Variants in ADK observed in about 807,000 individuals in gnomAD.
ADK encodes adenosine kinase, also known as N6,N6-dimethyladenosine kinase.
In ADK, 24 loss-of-function variants were observed where a neutral mutation model predicts 44.7. That is an observed-to-expected ratio of 0.54 (90% CI 0.39 to 0.76). The LOEUF (loss-of-function observed/expected upper bound fraction) is 0.76. ADK is among the 30% of genes least tolerant of loss of function. The probability of loss-of-function intolerance (pLI) is 0.00; values close to 1 mark genes in which losing one functional copy is unlikely to be tolerated. For missense variants in ADK, 321 were observed against 425.1 expected, an observed-to-expected ratio of 0.76 and a Z score of 2.15; for synonymous variants, 128 against 142.6, an observed-to-expected ratio of 0.90 and a Z score of 0.73.
At chr10:74,363,744 C>G (rs192839419) in intron 4 of ADK, among the ~76,000 whole-genome samples, 7 of 152,292 alleles carry the variant, frequency 4.6e-5, no homozygotes, top group African/African-American at 1.7e-4. Context: ...ACAGATACCC[C>G]TCTTCCAGCA....
chr10:74,334,094 T>C (rs1264381164), intron 4 of ADK, among the ~76,000 whole-genome samples: 1 of 152,228 alleles, frequency 6.6e-6, no homozygotes, highest in Non-Finnish European at 1.5e-5. Flanking sequence ...TAGCAACCAG[T>C]ATCAGAAATA....
chr10:74,660,092 A>G (rs1461489874), intron 9 of ADK, among the ~76,000 whole-genome samples: 3 of 152,152 alleles, frequency 2.0e-5, no homozygotes, highest in African/African-American at 7.2e-5. Flanking sequence ...TACTCCTCAG[A>G]AAAATCCTGT....
intron 10 of ADK, among the ~76,000 whole-genome samples, chr10:74,694,952 CTT>C (rs970325959): frequency 6.9e-6 from 1 of 144,866 alleles, no homozygotes; most frequent in African/African-American, 2.5e-5. Flanking sequence ...ACCTGGAATT[CTT>C]TTTTTTTTTA....
At chr10:74,684,033 A>G (rs112298619) in intron 10 of ADK, among the ~76,000 whole-genome samples, 5 of 152,302 alleles carry the variant, frequency 3.3e-5, no homozygotes, top group African/African-American at 7.2e-5. Flanking sequence ...CTTGGAGGGG[A>G]AGAAGCCGGT....
chr10:74,340,871 A>G (rs1332160920), intron 4 of ADK, among the ~76,000 whole-genome samples: 1 of 152,220 alleles, frequency 6.6e-6, no homozygotes. Context: ...GTACATTTAT[A>G]TCAGGCATAG....
Position 74,615,558 on chromosome 10 carries a change from T to C in ADK, c.877+15065T>C, listed in dbSNP as rs78394693. On this transcript the variant is annotated intron_variant, in intron 9 of 10. Coordinates refer to ENST00000539909, the MANE Select transcript of ADK (RefSeq NM_006721.4). ...ACTAATTGTTCCACATCTCTACCAATATTTGCTACTATCCATCTTTTTAAT... is the reference window on the plus strand; with the variant it reads ...ACTAATTGTTCCACATCTCTACCAACATTTGCTACTATCCATCTTTTTAAT... Among the ~76,000 whole-genome samples the C allele has an allele frequency of 4.9e-3, 739 of 152,292 alleles. 20 individuals are homozygous for C. The highest frequency in any genetic ancestry group is 0.035 in the Admixed American group (536 of 15,294).
intron 3 of ADK, among the ~76,000 whole-genome samples, chr10:74,283,637 T>C (rs1847035659): frequency 6.7e-6 from 1 of 149,448 alleles, no homozygotes; most frequent in South Asian, 2.1e-4. Context: ...TCTTCATCTT[T>C]TTTTTTTTTT....
intron 3 of ADK, among the ~76,000 whole-genome samples, chr10:74,312,913 C>CAAA (rs1469398498): frequency 1.3e-3 from 1 of 752 alleles, no homozygotes; most frequent in African/African-American, 3.4e-3. Context: ...GATTCTGTCT[C>CAAA]CAAAAAAAAA....
chr10:74,699,217 C>T (rs1437115904), intron 10 of ADK, among the ~76,000 whole-genome samples: 1 of 149,004 alleles, frequency 6.7e-6, no homozygotes, highest in African/African-American at 2.5e-5. Context: ...CAACCACACT[C>T]TGGGGCCTGA....
chr10:74,543,716 A>T (rs1461917717), intron 7 of ADK, among the ~76,000 whole-genome samples: 1 of 152,216 alleles, frequency 6.6e-6, no homozygotes, highest in Non-Finnish European at 1.5e-5. Context: ...ATCAAATGGA[A>T]TTCACTAGAA....
rs2134035683 is a variant in ADK, at chr10:74,623,372, A to G, written c.877+22879A>G. 3.3e-5 allele frequency among the ~76,000 whole-genome samples: 5 copies of G among 152,222 alleles called. No homozygotes were observed. In the South Asian group the frequency reaches 1.0e-3, roughly 32 times the overall value. On this transcript the variant is annotated intron_variant, in intron 9 of 10. Transcript: ENST00000539909. ...ACTGGCTGATTCCTCTTTACACTTA[A>G]TCATAAGGTCAACACCAATAGGCTT...
At chr10:74,449,739 C>T (rs1455880960) in intron 6 of ADK, among the ~76,000 whole-genome samples, 1 of 152,102 alleles carries the variant, frequency 6.6e-6, no homozygotes, top group South Asian at 2.1e-4. Context: ...TAGATTGAGG[C>T]AGGAGTATGT....
At chr10:74,585,208 G>A (rs1403569671) in intron 7 of ADK, among the ~76,000 whole-genome samples, 8 of 152,260 alleles carry the variant, frequency 5.3e-5, no homozygotes, top group Non-Finnish European at 1.2e-4. Context: ...TACCCTGGTT[G>A]CTGAAGCAGC....
intron 4 of ADK, among the ~76,000 whole-genome samples, chr10:74,353,750 C>G (rs987062489): frequency 9.9e-5 from 15 of 152,002 alleles, no homozygotes; most frequent in Non-Finnish European, 2.2e-4. Context: ...CATCTGTAGT[C>G]CCAGCTACTT....
chr10:74,693,418 C>T (rs1384629172), intron 10 of ADK, among the ~76,000 whole-genome samples: 1 of 152,148 alleles, frequency 6.6e-6, no homozygotes, highest in African/African-American at 2.4e-5. Context: ...GTCTGTGTTT[C>T]CCAGTGTCAT....
In ADK at chr10:74,204,270, A is replaced by G. The variant is rs572010432; in HGVS notation, c.140+3432A>G. ...GTGCCTAGCCTTAGGTCTTTTTAAA[A>G]TAATTTTAGCAGTGTTTAGTAGGTT... is the stretch of plus-strand genomic sequence containing the variant. On this transcript the variant is annotated intron_variant, in intron 2 of 10. Transcript: ENST00000539909. 1.4e-3 allele frequency among the ~76,000 whole-genome samples: 209 copies of G among 152,212 alleles called. 1 individual carries two copies. Among genetic ancestry groups the G allele is most frequent in the African/African-American group, 4.7e-3 (196 of 41,550 alleles).
chr10:74,237,153 T>C (rs770774643), intron 3 of ADK, among the ~76,000 whole-genome samples: 3 of 152,210 alleles, frequency 2.0e-5, no homozygotes, highest in Non-Finnish European at 4.4e-5. Flanking sequence ...ACAGTAGAAT[T>C]TGGAAAATTG....
intron 1 of ADK, among the ~76,000 whole-genome samples, chr10:74,183,241 T>G (rs889247273): frequency 6.6e-6 from 1 of 152,192 alleles, no homozygotes; most frequent in Non-Finnish European, 1.5e-5. Context: ...CATGAGCCGC[T>G]GTGCCCAGCC....
At chr10:74,336,221 GT>G (rs1280962607) in intron 4 of ADK, among the ~76,000 whole-genome samples, 1 of 151,936 alleles carries the variant, frequency 6.6e-6, no homozygotes, top group Non-Finnish European at 1.5e-5. Context: ...TTTGATTATT[GT>G]TTTTTGCTAT....
Sources: allele counts gnomAD v4.1 joint callset (sites outside exome capture counted in the v4.1 genomes callset), GRCh38; gene constraint gnomAD v4.1.1; transcripts MANE v1.5; gene names NCBI Gene and HGNC (gene_info 2026-07-23, HGNC 2026-07-21).